CUL4A: variants seen among roughly 807,000 people sequenced by gnomAD.
CUL4A encodes cullin-4A.
CUL4A carries 16 observed loss-of-function variants against 95.5 expected under a neutral mutation model. The ratio of observed to expected loss-of-function variants is 0.17; its 90% CI spans 0.11 to 0.25. CUL4A has a LOEUF of 0.25. CUL4A is among the 10% of genes least tolerant of loss of function. The pLI is 1.00. For missense variants in CUL4A, 610 were observed against 937.0 expected (o/e 0.65, Z 4.56); for synonymous variants, 380 against 353.1 (o/e 1.08, Z -0.85).
At chr13:113,229,945 A>G (rs539897173) in intron 5 of CUL4A, 7 of 393,994 alleles carry the variant, frequency 1.8e-5, no homozygotes, top group Admixed American at 8.6e-5. Context: ...AGCACATAGC[A>G]CTCATCGTCC....
rs1406379103 is a variant in CUL4A at position 113,264,630 on chromosome 13, G to A, written c.*1048G>A. The A allele has an allele frequency of 6.6e-6, 1 of 152,584 alleles. No homozygotes were observed. 9.5% of individuals were successfully genotyped at this position (152,584 alleles called of 1,614,324 possible). On this transcript the variant is annotated 3_prime_UTR_variant, in exon 20 of 20. Transcript: ENST00000375440. ...ATGTTAGAAGGGTAACTATGACAAAGATACTTTTGAGATAACATTTAAAAG... is the reference window on the plus strand; with the variant it reads ...ATGTTAGAAGGGTAACTATGACAAAAATACTTTTGAGATAACATTTAAAAG...
intron 18 of CUL4A, among the ~76,000 whole-genome samples, chr13:113,260,035 C>G (rs1272328916): frequency 6.7e-6 from 1 of 149,256 alleles, no homozygotes; most frequent in African/African-American, 2.5e-5. Flanking sequence ...GAAACCCTGT[C>G]TCTACTAAAA....
rs2042396096 is a variant in CUL4A, at chr13:113,266,376, G to T, written c.*2794G>T. 6.6e-6 allele frequency: 1 copy of T among 152,168 alleles called. No homozygotes were observed. The highest frequency in any genetic ancestry group is 2.1e-4 in the South Asian group (1 of 4,834). The allele number at this position is 152,168 out of a possible 1,614,324, so 9.4% of individuals were successfully genotyped here. ...AAGATAAAATACCTAGTAACAAATAGGGAAACACCTATGTGAAAGGTATTA... is the reference window on the plus strand; with the variant it reads ...AAGATAAAATACCTAGTAACAAATATGGAAACACCTATGTGAAAGGTATTA... On this transcript the variant is annotated 3_prime_UTR_variant, in exon 20 of 20. Transcript: ENST00000375440.
chr13:113,208,634 T>TGGGAGCGCCGCCGAACG, upstream of CUL4A: 1 of 1,606,924 alleles, frequency 6.2e-7, no homozygotes, highest in Admixed American at 1.7e-5. Flanking sequence ...ATGTGCGCCA[T>TGGGAGCGCCGCCGAACG]GGGAGCGCCG....
chr13:113,227,909 A>G (rs966390092), intron 3 of CUL4A, 67 bp from the exon 4 acceptor site: 17 of 742,184 alleles, frequency 2.3e-5, no homozygotes, highest in Non-Finnish European at 3.2e-5. Context: ...CTCCATCTCA[A>G]AAAAAAAAAA....
intron 18 of CUL4A, among the ~76,000 whole-genome samples, chr13:113,256,184 T>G (rs1471282745): frequency 6.6e-6 from 1 of 152,156 alleles, no homozygotes; most frequent in African/African-American, 2.4e-5. Flanking sequence ...CTGGGATCAC[T>G]GTACATATGG....
intron 2 of CUL4A, among the ~76,000 whole-genome samples, chr13:113,214,560 C>G (rs1192411701): frequency 6.6e-6 from 1 of 152,006 alleles, no homozygotes; most frequent in African/African-American, 2.4e-5. Context: ...CCTATGTTGT[C>G]CAGGCTCCTT....
intron 14 of CUL4A, among the ~76,000 whole-genome samples, 156 bp downstream of exon 14, chr13:113,245,393 C>A (rs1159418293): frequency 6.6e-6 from 1 of 152,168 alleles, no homozygotes; most frequent in Non-Finnish European, 1.5e-5. Context: ...AAGACCCAGT[C>A]TCTACAAAAG....
chr13:113,251,153 A>G (rs1043573407), intron 15 of CUL4A, among the ~76,000 whole-genome samples: 1 of 152,214 alleles, frequency 6.6e-6, no homozygotes, highest in African/African-American at 2.4e-5. Context: ...CGGAGTCCAC[A>G]TTCACACTGT....
intron 19 of CUL4A, among the ~76,000 whole-genome samples, chr13:113,261,922 A>G (rs1339717644): frequency 6.6e-6 from 1 of 152,128 alleles, no homozygotes; most frequent in African/African-American, 2.4e-5. Context: ...CTGGGCTTAC[A>G]GGCACGCGCC....
intron 3 of CUL4A, among the ~76,000 whole-genome samples, chr13:113,223,627 T>A (rs1156804036): frequency 6.6e-6 from 1 of 152,184 alleles, no homozygotes; most frequent in Non-Finnish European, 1.5e-5. Flanking sequence ...GAATTTGCGA[T>A]CTTGGATTAT....
intron 6 of CUL4A, 83 bp from the exon 7 acceptor site, chr13:113,233,814 C>A (rs112992655): frequency 1.2e-6 from 1 of 858,898 alleles, no homozygotes; most frequent in Non-Finnish European, 2.0e-6. Context: ...GGCAGCCTGC[C>A]CCGTCAGAAA....
chr13:113,258,401 A>G (rs1016172950), intron 18 of CUL4A, among the ~76,000 whole-genome samples: 1 of 152,208 alleles, frequency 6.6e-6, no homozygotes, highest in Non-Finnish European at 1.5e-5. Context: ...GACATTTTTA[A>G]TCCATATTGC....
At chr13:113,213,082 A>T (rs1008616751) in intron 2 of CUL4A, among the ~76,000 whole-genome samples, 5 of 152,088 alleles carry the variant, frequency 3.3e-5, no homozygotes, top group Non-Finnish European at 5.9e-5. Context: ...ATGTAGGAGA[A>T]TTAAATTCTT....
At chr13:113,237,670 C>T (rs954941346) in intron 9 of CUL4A, among the ~76,000 whole-genome samples, 2 of 152,058 alleles carry the variant, frequency 1.3e-5, no homozygotes, top group Non-Finnish European at 2.9e-5. Flanking sequence ...TTCTGAAAGT[C>T]ATTTTAAATG....
intron 10 of CUL4A, 80 bp from the exon 11 acceptor site, chr13:113,242,888 C>A: frequency 9.0e-7 from 1 of 1,116,706 alleles, no homozygotes; most frequent in Non-Finnish European, 1.3e-6. Context: ...GTTAAACTAT[C>A]CTGATTATAT....
chr13:113,256,990 A>G (rs960449446), intron 18 of CUL4A, among the ~76,000 whole-genome samples: 3 of 136,076 alleles, frequency 2.2e-5, no homozygotes, highest in South Asian at 2.2e-4. Flanking sequence ...CAGTGGTACA[A>G]TCTCGCTCAC....
chr13:113,236,667 AGTC>A (rs772518711), intron 8 of CUL4A, among the ~76,000 whole-genome samples, 153 bp from the exon 9 acceptor site: 44 of 152,292 alleles, frequency 2.9e-4, no homozygotes, highest in Non-Finnish European at 4.4e-4. Context: ...TAGCAACAGG[AGTC>A]GTCGTCCGTT....
intron 3 of CUL4A, among the ~76,000 whole-genome samples, chr13:113,221,128 G>GGAGGGTGCTC (rs544877401): frequency 3.3e-5 from 5 of 152,194 alleles, no homozygotes; most frequent in Non-Finnish European, 5.9e-5. Context: ...AGCAGAGCGT[G>GGAGGGTGCTC]GAGGGTGCTC....
Sources: gnomAD v4.1 joint callset for allele counts (sites outside exome capture counted in the v4.1 genomes callset) on GRCh38, gnomAD v4.1.1 for gene constraint, MANE v1.5 for transcripts, NCBI Gene and HGNC (gene_info 2026-07-23, HGNC 2026-07-21) for gene names.